The following MMP26 variants were observed in gnomAD, a reference collection of about 807,000 sequenced individuals.
The protein encoded by MMP26 is matrix metallopeptidase 26.
In MMP26, 33 loss-of-function variants were observed where a neutral mutation model predicts 31.0. That is an observed-to-expected ratio of 1.06 (90% confidence interval 0.81 to 1.42). The LOEUF (loss-of-function observed/expected upper bound fraction) is 1.42. Ranked by LOEUF, MMP26 falls within the 40% of genes most tolerant of loss-of-function variation. MMP26 has a pLI of 0.00. For missense variants in MMP26, 347 were observed against 316.1 expected (o/e 1.10, Z -0.74); for synonymous variants, 122 against 114.9 (o/e 1.06, Z -0.40).
At chr11:4,714,223 C>T (rs978880059) in intron 1 of MMP26, among the ~76,000 whole-genome samples, 2 of 152,146 alleles carry the variant, frequency 1.3e-5, no homozygotes, top group African/African-American at 4.8e-5. Flanking sequence ...CTGCAGAAAG[C>T]TCTTGTGGGT....
chr11:4,821,687 T>G, intron 2 of MMP26: 2 of 1,614,098 alleles, frequency 1.2e-6, no homozygotes, highest in Non-Finnish European at 1.7e-6. Flanking sequence ...GTCTTCTGGT[T>G]TGAAGCCCGA....
At chr11:4,790,877 G>A (rs1364362664) in intron 2 of MMP26, among the ~76,000 whole-genome samples, 1 of 152,096 alleles carries the variant, frequency 6.6e-6, no homozygotes, top group Middle Eastern at 3.2e-3. Context: ...AAAAATAAAG[G>A]TGCTAAGACC....
Position 4,988,280 on chromosome 11 carries a change from T to C in MMP26, c.69T>C (p.Ala23=), listed in dbSNP as rs774380465. Residue 23 remains alanine, a synonymous_variant, in exon 3 of 8, where the codon GCT becomes GCC. Transcript: ENST00000380390. ...PWCFAVPVPP[A]ADHKGWDFVE... ...GTTTCGCCGTTCCAGTGCCCCCTGC[T>C]GCAGACCATAAAGGATGGGACTTTG... 6.2e-7 allele frequency: 1 copy of C among 1,614,126 alleles called. No homozygotes were observed. Among genetic ancestry groups the C allele is most frequent in the South Asian group, 1.1e-5 (1 of 91,082 alleles).
intron 2 of MMP26, among the ~76,000 whole-genome samples, chr11:4,986,376 C>T (rs1381232589): frequency 6.6e-6 from 1 of 151,650 alleles, no homozygotes; most frequent in Non-Finnish European, 1.5e-5. Flanking sequence ...GAGATAGGAT[C>T]TCACTCTGTT....
chr11:4,948,233 A>G (rs1589948211), intron 2 of MMP26, among the ~76,000 whole-genome samples: 1 of 125,404 alleles, frequency 8.0e-6, no homozygotes, highest in East Asian at 2.3e-4. Context: ...TCTTACACAC[A>G]ATAATGACCA....
chr11:4,715,959 A>T (rs911764462), intron 1 of MMP26, among the ~76,000 whole-genome samples: 1 of 152,240 alleles, frequency 6.6e-6, no homozygotes, highest in East Asian at 1.9e-4. Flanking sequence ...GGCTTACCTA[A>T]TCACGGAAGT....
chr11:4,711,506 C>G (rs192342158), intron 1 of MMP26: 1 of 152,108 alleles, frequency 6.6e-6, no homozygotes, highest in Middle Eastern at 3.2e-3. Context: ...CCACTTAATA[C>G]CTTCCCACAA....
intron 2 of MMP26, among the ~76,000 whole-genome samples, chr11:4,968,064 A>T (rs564126106): frequency 1.3e-5 from 2 of 152,134 alleles, no homozygotes; most frequent in Admixed American, 1.3e-4. Flanking sequence ...TAGCAGTTTC[A>T]TGAATCCATT....
intron 2 of MMP26, among the ~76,000 whole-genome samples, chr11:4,966,600 G>C (rs1197525114): frequency 1.3e-5 from 2 of 152,198 alleles, no homozygotes; most frequent in Admixed American, 6.5e-5. Context: ...CTTGGTCAAG[G>C]TGAGACTCTC....
In MMP26 at chr11:4,848,370, T is replaced by G. The variant is rs145071132; in HGVS notation, c.-145+81029T>G. On this transcript the variant is annotated intron_variant, in intron 2 of 7. Transcript: ENST00000380390. ...GAAATGGACATAGGATAGAAGAGTA[T>G]GGGTATGCTGAGTGATTGGCAGCTC... is the stretch of plus-strand genomic sequence containing the variant. The G allele has an allele frequency of 2.9e-5, 47 of 1,613,896 alleles. No individual in the cohort carries two copies. The African/African-American group carries it at 5.7e-4, about 20-fold the overall frequency.
intron 2 of MMP26, among the ~76,000 whole-genome samples, chr11:4,966,889 T>C (rs1339320561): frequency 6.6e-6 from 1 of 152,216 alleles, no homozygotes; most frequent in African/African-American, 2.4e-5. Flanking sequence ...AGAGGGCAGC[T>C]AGTAGGGATT....
intron 1 of MMP26, among the ~76,000 whole-genome samples, chr11:4,762,685 T>A (rs1309854633): frequency 6.6e-6 from 1 of 152,168 alleles, no homozygotes; most frequent in Non-Finnish European, 1.5e-5. Context: ...AGAACTTATA[T>A]AAAAATCGTT....
intron 2 of MMP26, among the ~76,000 whole-genome samples, chr11:4,788,272 A>C (rs1307353324): frequency 1.3e-5 from 2 of 152,046 alleles, no homozygotes; most frequent in Admixed American, 6.5e-5. Context: ...CTTAGGAGAC[A>C]TGTTACAAGC....
intron 3 of MMP26, among the ~76,000 whole-genome samples, chr11:4,988,668 ATAAAT>A (rs1846943550): frequency 6.6e-6 from 1 of 152,136 alleles, no homozygotes. Context: ...AATCATTCAA[ATAAAT>A]TAATGGGACC....
At chr11:4,769,468 C>T in intron 2 of MMP26, 4 of 1,613,462 alleles carry the variant, frequency 2.5e-6, no homozygotes, top group Non-Finnish European at 3.4e-6. Context: ...CACGTGTAAT[C>T]ATCAGAAGAC....
chr11:4,927,031 C>A (rs912262020), intron 2 of MMP26, among the ~76,000 whole-genome samples: 1 of 152,150 alleles, frequency 6.6e-6, no homozygotes, highest in Non-Finnish European at 1.5e-5. Context: ...TGATTTCCTC[C>A]ACTAGACTGC....
At chr11:4,711,624 C>T (rs1797652855) in intron 1 of MMP26, 1 of 152,162 alleles carries the variant, frequency 6.6e-6, no homozygotes, top group Non-Finnish European at 1.5e-5. Context: ...ATGACATCCA[C>T]TTTCTACTTG....
In MMP26 at chr11:4,828,661, A is replaced by T. The variant is rs528453308; in HGVS notation, c.-145+61320A>T. 6.6e-5 allele frequency among the ~76,000 whole-genome samples: 10 copies of T among 152,288 alleles called. No individual in the cohort carries two copies. The South Asian group carries it at 2.1e-3, about 32-fold the overall frequency. ...TGAATGAACACAACCGTTTAGGGTTATCTTCTCTAATTAGGATAATCTAAC... is the reference window on the plus strand; with the variant it reads ...TGAATGAACACAACCGTTTAGGGTTTTCTTCTCTAATTAGGATAATCTAAC... On this transcript the variant is annotated intron_variant, in intron 2 of 7. Transcript: ENST00000380390.
intron 2 of MMP26, among the ~76,000 whole-genome samples, chr11:4,969,946 C>T (rs920625522): frequency 3.3e-5 from 5 of 152,106 alleles, no homozygotes; most frequent in Admixed American, 2.0e-4. Context: ...CAGGCACTCA[C>T]TAATCTGCAT....
Sources: allele counts gnomAD v4.1 joint callset (sites outside exome capture counted in the v4.1 genomes callset), GRCh38; gene constraint gnomAD v4.1.1; transcripts MANE v1.5; gene names NCBI Gene and HGNC (gene_info 2026-07-23, HGNC 2026-07-21).